The following PRSS23 variants were observed in gnomAD, a reference collection of about 807,000 sequenced individuals.
PRSS23 encodes protease, serine 23.
PRSS23 carries 25 observed loss-of-function variants against 34.7 expected under a neutral mutation model. The ratio of observed to expected loss-of-function variants is 0.72; its 90% CI spans 0.53 to 1.01. The LOEUF (loss-of-function observed/expected upper bound fraction) is 1.01. Among genes scored for constraint, PRSS23 ranks in the 50% least tolerant of loss-of-function variants. The pLI, the probability that PRSS23 is intolerant of heterozygous loss-of-function variation, is 0.00. For synonymous variants in PRSS23, 176 were observed against 186.6 expected (o/e 0.94, Z 0.46); for missense variants, 445 against 475.6 (o/e 0.94, Z 0.60).
exon 3 of PRSS23, chr11:86,951,559 C>G (rs1382922496): frequency 6.2e-7 from 1 of 1,613,946 alleles, no homozygotes; most frequent in African/African-American, 1.3e-5. Context: ...TTCCAATGAC[C>G]AAATAAGTAA....
At chr11:86,816,282 G>A (rs759047675) in intron 1 of PRSS23, among the ~76,000 whole-genome samples, 3 of 152,128 alleles carry the variant, frequency 2.0e-5, no homozygotes, top group East Asian at 1.9e-4. Context: ...CTGTGTTCAC[G>A]CTGGGGCTGC....
chr11:86,873,974 A>G (rs909052654), intron 2 of PRSS23, among the ~76,000 whole-genome samples: 2 of 152,160 alleles, frequency 1.3e-5, no homozygotes. Flanking sequence ...CTGAGGTGAG[A>G]TTAGAAGTGC....
At chr11:86,856,466 A>T (rs1223537036) in intron 2 of PRSS23, among the ~76,000 whole-genome samples, 2 of 152,208 alleles carry the variant, frequency 1.3e-5, no homozygotes, top group Non-Finnish European at 2.9e-5. Context: ...GGTGACACGG[A>T]TCTCTACACA....
At chr11:86,841,236 G>A (rs965011650) in intron 2 of PRSS23, among the ~76,000 whole-genome samples, 3 of 151,530 alleles carry the variant, frequency 2.0e-5, no homozygotes, top group Non-Finnish European at 2.9e-5. Context: ...CTACTCAGGA[G>A]GCTAAGGCAG....
In PRSS23 at chr11:86,917,370, A is replaced by G. The variant is rs138060379; in HGVS notation, c.207-33846A>G. On this transcript the variant is annotated intron_variant, in intron 2 of 2. Transcript: ENST00000533902. ...GGCCTCTGGTGTAATATTTCTGGGG[A>G]AAAAAATTAAGGCAAACATAGGGAA... Among the ~76,000 whole-genome samples the G allele has an allele frequency of 7.3e-3, 1,111 of 152,124 alleles. 12 individuals carry two copies. The highest frequency in any genetic ancestry group is 0.026 in the African/African-American group (1,061 of 41,410).
chr11:86,798,525 G>A (rs1947997147), upstream of PRSS23, among the ~76,000 whole-genome samples: 1 of 152,242 alleles, frequency 6.6e-6, no homozygotes, highest in African/African-American at 2.4e-5. Flanking sequence ...AGAGCCACAG[G>A]GAAGTCAAAG....
intron 2 of PRSS23, among the ~76,000 whole-genome samples, chr11:86,864,065 A>G (rs574513424): frequency 2.0e-4 from 30 of 152,348 alleles, no homozygotes; most frequent in African/African-American, 7.0e-4. Flanking sequence ...TTCTACATAA[A>G]TCATTTTCTC....
At chr11:86,823,857 T>G (rs1948274021) in intron 2 of PRSS23, among the ~76,000 whole-genome samples, 1 of 150,896 alleles carries the variant, frequency 6.6e-6, no homozygotes, top group Admixed American at 6.6e-5. Context: ...ATACAAAAAA[T>G]TAGCCGGGCG....
intron 2 of PRSS23, chr11:86,833,094 T>C (rs1282490703): frequency 2.6e-5 from 16 of 609,364 alleles, no homozygotes; most frequent in Non-Finnish European, 4.9e-5. Context: ...TACAAACCGG[T>C]CATAGGCCCT....
intron 2 of PRSS23, among the ~76,000 whole-genome samples, chr11:86,912,426 A>G (rs1020768425): frequency 5.1e-4 from 77 of 151,982 alleles, no homozygotes; most frequent in African/African-American, 1.8e-3. Context: ...TAGGCCTTTG[A>G]TATTGGCCTA....
At position 86,809,038 on chromosome 11, in the gene PRSS23, TA is replaced by T. The variant is rs201486686; in HGVS notation, c.*251del. The T allele has an allele frequency of 6.6e-3, 2,561 of 385,240 alleles. 64 individuals are homozygous for T. Among genetic ancestry groups the T allele is most frequent in the African/African-American group, 0.047 (2,248 of 47,986 alleles). 23.9% of individuals were successfully genotyped at this position (385,240 alleles called of 1,614,324 possible). A position where few individuals can be genotyped will look rare whatever the true frequency, so the allele number is the denominator to read the frequency against. ...TTGAAGGCATACTTTTGCATAGAAATAAAAAAAATACTGATTTGGGGCAATG... is the reference window on the plus strand; with the variant it reads ...TTGAAGGCATACTTTTGCATAGAAATAAAAAAATACTGATTTGGGGCAATG... On this transcript the variant is annotated 3_prime_UTR_variant, in exon 2 of 2. Transcript: ENST00000280258.
chr11:86,930,797 A>G (rs1217634495), intron 2 of PRSS23, among the ~76,000 whole-genome samples: 1 of 147,118 alleles, frequency 6.8e-6, no homozygotes, highest in African/African-American at 2.5e-5. Flanking sequence ...CTCAAAAAAA[A>G]AAAAAAAAGA....
Position 86,952,057 on chromosome 11 carries a change from G to C in PRSS23, c.*772G>C, listed in dbSNP as rs368364243. Reference sequence around the variant, plus strand: ...GGAAGGTCAGTACTGTGAAGGCAGTGGAGATGAAACACAGGCTGGCCCACA... The same window carrying C: ...GGAAGGTCAGTACTGTGAAGGCAGTCGAGATGAAACACAGGCTGGCCCACA... On this transcript the variant is annotated 3_prime_UTR_variant, in exon 3 of 3. Coordinates refer to the PRSS23 transcript ENST00000533902. The C allele has an allele frequency of 2.5e-6, 4 of 1,613,994 alleles. No homozygotes were observed. The highest frequency in any genetic ancestry group is 3.4e-6 in the Non-Finnish European group (4 of 1,179,982).
At chr11:86,821,671 G>C in intron 1 of PRSS23, 2 of 1,534,362 alleles carry the variant, frequency 1.3e-6, no homozygotes, top group South Asian at 2.3e-5. Context: ...GTCAATATTG[G>C]AGCAATCTGC....
rs1172434578 is a variant in PRSS23 at position 86,925,319 on chromosome 11, T to TGTGTGG, written c.207-25892_207-25891insGGTGTG. 2.2e-3 allele frequency among the ~76,000 whole-genome samples: 340 copies of TGTGTGG among 151,628 alleles called. 1 individual carries two copies. Among genetic ancestry groups the TGTGTGG allele is most frequent in the Non-Finnish European group, 3.8e-3 (260 of 67,836 alleles). The stretch of plus-strand genomic sequence containing the variant: ...GAGTGTGTGTGTGTGTGTGTGTGTG[T>TGTGTGG]GTGTGTGTGTGTCGTTTACATTTAT... On this transcript the variant is annotated intron_variant, in intron 2 of 2. Transcript: ENST00000533902.
At chr11:86,821,652 A>G in intron 1 of PRSS23, 2 of 1,573,228 alleles carry the variant, frequency 1.3e-6, no homozygotes, top group Non-Finnish European at 1.7e-6. Flanking sequence ...CAGCTGGTTC[A>G]AGAATTTTGT....
chr11:86,952,056 T>C lies in PRSS23; in HGVS notation c.*771T>C, dbSNP rs1470464003. On this transcript the variant is annotated 3_prime_UTR_variant, in exon 3 of 3. Coordinates refer to the PRSS23 transcript ENST00000533902. The stretch of plus-strand genomic sequence containing the variant: ...AGGAAGGTCAGTACTGTGAAGGCAG[T>C]GGAGATGAAACACAGGCTGGCCCAC... The C allele has an allele frequency of 1.9e-6, 3 of 1,613,932 alleles. No homozygotes were observed. The highest frequency in any genetic ancestry group is 1.3e-5 in the African/African-American group (1 of 74,900).
rs561930258 is a variant in PRSS23 at position 86,844,576 on chromosome 11, G to A, written c.206+20983G>A. ...AAGTCTAAAATGTGTGTCAGTCCAA[G>A]CAATAAGGTTTACCTGCCCCCATTT... On this transcript the variant is annotated intron_variant, in intron 2 of 2. Coordinates refer to the PRSS23 transcript ENST00000533902. Among the ~76,000 whole-genome samples, 12 of 152,280 alleles carry A rather than the reference G, an allele frequency of 7.9e-5. No homozygotes were observed. In the East Asian group the frequency reaches 1.9e-3, roughly 24 times the overall value.
At chr11:86,867,965 A>G (rs1948661540) in intron 2 of PRSS23, among the ~76,000 whole-genome samples, 2 of 152,146 alleles carry the variant, frequency 1.3e-5, no homozygotes, top group Non-Finnish European at 2.9e-5. Context: ...AACTTGAAAG[A>G]ATATGCTAGG....
Sources: allele counts gnomAD v4.1 joint callset (sites outside exome capture counted in the v4.1 genomes callset), GRCh38; gene constraint gnomAD v4.1.1; transcripts MANE v1.5; gene names NCBI Gene and HGNC (gene_info 2026-07-23, HGNC 2026-07-21).